The following GSDMC variants were observed in gnomAD, a reference collection of about 807,000 sequenced individuals.
GSDMC encodes the protein gasdermin C.
Under a neutral mutation model 58.0 loss-of-function variants are expected in GSDMC, and 59 were observed. The observed-to-expected ratio is 1.02, with a 90% CI of 0.82 to 1.26. The LOEUF (loss-of-function observed/expected upper bound fraction) is 1.26. Among genes scored for constraint, GSDMC ranks in the 50% most tolerant of loss-of-function variants. The pLI is 0.00. For missense variants in GSDMC, 659 were observed against 598.5 expected (o/e 1.10, Z -1.06); for synonymous variants, 241 against 220.2 (o/e 1.09, Z -0.83).
intron 3 of GSDMC, among the ~76,000 whole-genome samples, chr8:129,766,744 C>T (rs1039464203): frequency 1.3e-5 from 2 of 152,074 alleles, no homozygotes; most frequent in South Asian, 2.1e-4. Context: ...CTCCCCCAGG[C>T]GCCACCGCAA....
At chr8:129,730,761 T>A in the GSDMC span, among the ~76,000 whole-genome samples, 1 of 152,170 alleles carries the variant, frequency 6.6e-6, no homozygotes, top group Admixed American at 6.5e-5. Flanking sequence ...TTTTCCAACT[T>A]TACCGTGGTG....
intron 3 of GSDMC, among the ~76,000 whole-genome samples, chr8:129,766,902 G>A (rs1242658152): frequency 6.6e-6 from 1 of 152,176 alleles, no homozygotes; most frequent in Non-Finnish European, 1.5e-5. Flanking sequence ...GCATCGGCAG[G>A]ACTAGACCAC....
the GSDMC span, among the ~76,000 whole-genome samples, chr8:129,735,535 A>G: frequency 6.6e-6 from 1 of 152,230 alleles, no homozygotes; most frequent in Non-Finnish European, 1.5e-5. Flanking sequence ...TGGAAACTGA[A>G]CAACCTGCTC....
At chr8:129,751,751 G>T in intron 9 of GSDMC, 111 bp downstream of exon 9, 2 of 1,224,910 alleles carry the variant, frequency 1.6e-6, no homozygotes, top group Non-Finnish European at 2.4e-6. Context: ...ATGACCAAAC[G>T]CCAGGCCCTA....
intron 13 of GSDMC, 96 bp from the exon 14 acceptor site, chr8:129,748,836 A>T (rs1343019847): frequency 3.9e-6 from 4 of 1,014,280 alleles, no homozygotes; most frequent in Non-Finnish European, 5.5e-6. Flanking sequence ...GGATAATAAA[A>T]GGAGCAAGAG....
chr8:129,715,859 G>C, the GSDMC span, among the ~76,000 whole-genome samples: 1 of 152,066 alleles, frequency 6.6e-6, no homozygotes, highest in Non-Finnish European at 1.5e-5. Context: ...TGTAGTACAG[G>C]TTTTATAATA....
At chr8:129,719,266 A>T in the GSDMC span, among the ~76,000 whole-genome samples, 1 of 152,220 alleles carries the variant, frequency 6.6e-6, no homozygotes, top group African/African-American at 2.4e-5. Context: ...ACACAATATT[A>T]CCACAGATTA....
intron 6 of GSDMC, 21 bp downstream of exon 6, chr8:129,760,524 A>C (rs770666544): frequency 2.7e-6 from 4 of 1,497,884 alleles, no homozygotes; most frequent in Non-Finnish European, 2.8e-6. Flanking sequence ...AAAAATAAAA[A>C]GACCAGGCTT....
intron 13 of GSDMC, among the ~76,000 whole-genome samples, 172 bp from the exon 14 acceptor site, chr8:129,748,912 T>C (rs117826337): frequency 2.0e-5 from 3 of 152,252 alleles, no homozygotes; most frequent in Non-Finnish European, 4.4e-5. Context: ...ATCAAGTTAT[T>C]GGAAATCAGG....
chr8:129,707,545 C>G, the GSDMC span, among the ~76,000 whole-genome samples: 1 of 152,136 alleles, frequency 6.6e-6, no homozygotes, highest in Non-Finnish European at 1.5e-5. Context: ...GAGCATTTAA[C>G]TCAAATGCAG....
intron 6 of GSDMC, among the ~76,000 whole-genome samples, chr8:129,754,219 G>A (rs901725069): frequency 7.9e-5 from 12 of 152,174 alleles, no homozygotes; most frequent in African/African-American, 2.9e-4. Context: ...CTGGCTTCAG[G>A]TCTAACCCAG....
intron 6 of GSDMC, among the ~76,000 whole-genome samples, chr8:129,754,967 C>T (rs2130376811): frequency 6.6e-6 from 1 of 152,094 alleles, no homozygotes; most frequent in Non-Finnish European, 1.5e-5. Flanking sequence ...CACATATGAT[C>T]TAGAAAATAG....
At chr8:129,710,113 A>G in the GSDMC span, among the ~76,000 whole-genome samples, 2 of 152,206 alleles carry the variant, frequency 1.3e-5, no homozygotes, top group Admixed American at 6.5e-5. Flanking sequence ...TCTTCTCTTC[A>G]TGCACGTATT....
intron 10 of GSDMC, 96 bp downstream of exon 10, chr8:129,751,446 C>T: frequency 1.1e-6 from 1 of 939,758 alleles, no homozygotes. Flanking sequence ...TGGAAGTGGA[C>T]CTCAGTTTCT....
rs145544535 is a variant in GSDMC, at chr8:129,770,058, G to A, written c.405-4265C>T. On this transcript the variant is annotated intron_variant, in intron 3 of 13. Transcript: ENST00000276708. The stretch of plus-strand genomic sequence containing the variant: ...CAACTCTGGTATAAAAATGTTTTAC[G>A]TATATTAAAAATAACTCTATAATAA... 6.1e-3 allele frequency among the ~76,000 whole-genome samples: 926 copies of A among 152,188 alleles called. 4 individuals carry two copies. Among genetic ancestry groups the A allele is most frequent in the Non-Finnish European group, 8.3e-3 (563 of 68,024 alleles).
chr8:129,762,713 T>C lies in GSDMC; in HGVS notation c.589A>G (p.Ser197Gly). The stretch of plus-strand genomic sequence containing the variant: ...AGCGCCTTCTTCTTCACTCTGAGAC[T>C]CTCTCCTTGGCCTTGACCCTGGGGA... ...TYGKGQGQGE[S>G]LRVKKKALTL... The change falls in exon 5 of 14, where the codon AGT (serine) becomes GGT (glycine). Residue 197 changes from serine (S) to glycine (G), a missense_variant. Physicochemically the swap from Ser to Gly is moderately conservative, Grantham distance 56. Coordinates refer to ENST00000276708, the MANE Select transcript of GSDMC (RefSeq NM_031415.3). The C allele has an allele frequency of 6.2e-7, 1 of 1,613,106 alleles. No individual in the cohort carries two copies. Among genetic ancestry groups the C allele is most frequent in the South Asian group, 1.1e-5 (1 of 91,068 alleles).
At chr8:129,760,643 A>G (rs201518733) in intron 5 of GSDMC, 54 bp from the exon 6 acceptor site, 81 of 518,264 alleles carry the variant, frequency 1.6e-4, no homozygotes, top group Non-Finnish European at 2.1e-4. Flanking sequence ...TCCTGCCTGA[A>G]CCTAGACCAG....
At chr8:129,734,564 T>C in the GSDMC span, among the ~76,000 whole-genome samples, 24 of 152,262 alleles carry the variant, frequency 1.6e-4, no homozygotes, top group African/African-American at 5.5e-4. Context: ...GAATTTCATA[T>C]CCAGCCAAAC....
downstream of GSDMC, among the ~76,000 whole-genome samples, chr8:129,743,698 G>T (rs1046370437): frequency 2.0e-5 from 3 of 152,210 alleles, no homozygotes; most frequent in East Asian, 1.9e-4. Flanking sequence ...GTTAAATTTT[G>T]CTTTAGCTGG....
Sources: allele counts gnomAD v4.1 joint callset (sites outside exome capture counted in the v4.1 genomes callset), GRCh38; gene constraint gnomAD v4.1.1; transcripts MANE v1.5; gene names NCBI Gene and HGNC (gene_info 2026-07-23, HGNC 2026-07-21).